Variants in STK32C observed in about 807,000 individuals in gnomAD.
The protein encoded by STK32C is serine/threonine-protein kinase 32C.
In STK32C, 31 loss-of-function variants were observed where a neutral mutation model predicts 56.5. The observed-to-expected ratio is 0.55, with a 90% confidence interval of 0.41 to 0.74. The LOEUF is 0.74. Ranked by LOEUF, STK32C falls within the 30% of genes least tolerant of loss-of-function variation. The pLI, the probability that STK32C is intolerant of heterozygous loss-of-function variation, is 0.00. For synonymous variants in STK32C, 309 were observed against 289.4 expected (o/e 1.07, Z -0.69); for missense variants, 544 against 676.9 (o/e 0.80, Z 2.18).
intron 10 of STK32C, among the ~76,000 whole-genome samples, chr10:132,213,486 C>A (rs1300053649): frequency 1.3e-5 from 2 of 152,232 alleles, no homozygotes; most frequent in South Asian, 4.1e-4. Context: ...CCTCTGGTGC[C>A]CACAGCTACA....
chr10:132,231,389 C>A (rs935577593), intron 2 of STK32C, among the ~76,000 whole-genome samples: 1 of 152,246 alleles, frequency 6.6e-6, no homozygotes. Flanking sequence ...GGGTTACACT[C>A]AGGTCTCCCG....
intron 1 of STK32C, among the ~76,000 whole-genome samples, chr10:132,328,371 G>A (rs535920526): frequency 6.6e-6 from 1 of 152,302 alleles, no homozygotes; most frequent in Non-Finnish European, 1.5e-5. Flanking sequence ...GATCTGTGGA[G>A]TGCAGGGTTT....
At chr10:132,250,618 C>T (rs938453292) in intron 1 of STK32C, among the ~76,000 whole-genome samples, 1 of 148,220 alleles carries the variant, frequency 6.7e-6, no homozygotes, top group African/African-American at 2.5e-5. Context: ...CGCCCCGAGG[C>T]AGGTGGGTGT....
At chr10:132,248,750 G>C (rs1158887160) in intron 1 of STK32C, among the ~76,000 whole-genome samples, 1 of 152,172 alleles carries the variant, frequency 6.6e-6, no homozygotes, top group Non-Finnish European at 1.5e-5. Context: ...GCACTGCCCT[G>C]GGAAACGAAG....
rs2066112799 is a variant in STK32C at position 132,307,459 on chromosome 10, C to A, written c.262+113G>T. The A allele has an allele frequency of 4.1e-6, 5 of 1,218,080 alleles. No individual in the cohort carries two copies. The highest frequency in any genetic ancestry group is 4.3e-6 in the Non-Finnish European group (4 of 935,794). The allele number at this position is 1,218,080 out of a possible 1,614,324, so 75.5% of individuals were successfully genotyped here. A position where few individuals can be genotyped will look rare whatever the true frequency, so the allele number is the denominator to read the frequency against. On this transcript the variant is annotated intron_variant, in intron 1 of 11. Transcript: ENST00000298630. The surrounding 1 kb of genome is among the most constrained non-coding windows in gnomAD (Gnocchi z 4.4). ...GCGAGCTTCTCCGGAAGCCGGGGCG[C>A]CCCGGGAAGCCGTCCCGGACACCGG...
chr10:132,274,181 C>A (rs1002377057), intron 1 of STK32C, among the ~76,000 whole-genome samples: 1 of 152,206 alleles, frequency 6.6e-6, no homozygotes, highest in African/African-American at 2.4e-5. Flanking sequence ...GCACCATCCA[C>A]GCTGGGTGTG....
At chr10:132,331,402 C>G (rs1284941150) in intron 1 of STK32C, 1 of 1,576,258 alleles carries the variant, frequency 6.3e-7, no homozygotes, top group Non-Finnish European at 8.6e-7. Flanking sequence ...TCATCTTCTT[C>G]CAAATTCTCA....
chr10:132,268,542 T>TGC (rs2064686174), intron 1 of STK32C, among the ~76,000 whole-genome samples: 1 of 86,306 alleles, frequency 1.2e-5, no homozygotes, highest in African/African-American at 4.7e-5. Flanking sequence ...CGTCACATTG[T>TGC]GTGTGTGTGT....
At chr10:132,262,279 A>G (rs2064328081) in intron 1 of STK32C, among the ~76,000 whole-genome samples, 1 of 152,230 alleles carries the variant, frequency 6.6e-6, no homozygotes, top group South Asian at 2.1e-4. Context: ...TTTTCACCAT[A>G]TACAAAAATT....
chr10:132,229,822 A>G (rs1365169845), intron 2 of STK32C, among the ~76,000 whole-genome samples: 1 of 152,226 alleles, frequency 6.6e-6, no homozygotes, highest in Non-Finnish European at 1.5e-5. Context: ...CTAAGAAAGC[A>G]TGTCTGATGG....
chr10:132,325,564 A>G (rs76502537), intron 1 of STK32C, among the ~76,000 whole-genome samples: 18,046 of 150,010 alleles, frequency 0.12, 1,273 homozygotes, highest in East Asian at 0.36. Context: ...AAAAAAAAAA[A>G]GGGGGAGTTC....
At chr10:132,236,742 C>A (rs2063307922) in intron 2 of STK32C, among the ~76,000 whole-genome samples, 1 of 152,240 alleles carries the variant, frequency 6.6e-6, no homozygotes, top group South Asian at 2.1e-4. Flanking sequence ...CTAACAGAGG[C>A]TTCCTTTCCC....
intron 2 of STK32C, among the ~76,000 whole-genome samples, chr10:132,238,207 C>T (rs2063362075): frequency 6.6e-6 from 1 of 152,162 alleles, no homozygotes; most frequent in African/African-American, 2.4e-5. Context: ...GCAGCAGCTG[C>T]TCTCGGAGGC....
At chr10:132,227,568 G>A (rs2062934447) in intron 3 of STK32C, among the ~76,000 whole-genome samples, 1 of 151,918 alleles carries the variant, frequency 6.6e-6, no homozygotes, top group Non-Finnish European at 1.5e-5. Context: ...TGACGGTGAT[G>A]AGAGTGATGA....
intron 1 of STK32C, among the ~76,000 whole-genome samples, chr10:132,275,532 C>T (rs1399765610): frequency 6.6e-6 from 1 of 152,232 alleles, no homozygotes. Context: ...TCCAGAATCA[C>T]CTCCGAGTCT....
chr10:132,251,254 T>TGGGGGCCCGTGGA (rs1432272717), intron 1 of STK32C, among the ~76,000 whole-genome samples: 1 of 152,114 alleles, frequency 6.6e-6, no homozygotes, highest in Non-Finnish European at 1.5e-5. Flanking sequence ...TCCGCTCTCA[T>TGGGGGCCCGTGGA]GGGGGCCCGT....
At chr10:132,285,836 T>C (rs1438128492) in intron 1 of STK32C, among the ~76,000 whole-genome samples, 1 of 151,958 alleles carries the variant, frequency 6.6e-6, no homozygotes, top group Admixed American at 6.6e-5. Flanking sequence ...AAAAGGAAAA[T>C]ATTGGCCAGT....
At chr10:132,318,898 G>C (rs1446673706) in intron 1 of STK32C, among the ~76,000 whole-genome samples, 1 of 152,006 alleles carries the variant, frequency 6.6e-6, no homozygotes, top group Non-Finnish European at 1.5e-5. Context: ...ACCAAGGGTT[G>C]GATGTGGCAG....
At chr10:132,220,465 A>G (rs2062600764) in intron 10 of STK32C, among the ~76,000 whole-genome samples, 1 of 152,252 alleles carries the variant, frequency 6.6e-6, no homozygotes, top group Non-Finnish European at 1.5e-5. Context: ...TCTATTGTGA[A>G]TATCACATTC....
Sources: gnomAD v4.1 joint callset for allele counts (sites outside exome capture counted in the v4.1 genomes callset) on GRCh38, gnomAD v4.1.1 for gene constraint, Gnocchi (gnomAD v3.1) non-coding constraint, MANE v1.5 for transcripts, NCBI Gene and HGNC (gene_info 2026-07-23, HGNC 2026-07-21) for gene names.